Variants in LYPD6 observed in about 807,000 individuals in gnomAD.
LYPD6 encodes LY6/PLAUR domain containing 6.
In LYPD6, 15 loss-of-function variants were observed where a neutral mutation model predicts 22.7. The ratio of observed to expected loss-of-function variants is 0.66; its 90% CI spans 0.44 to 1.02. The LOEUF is 1.02. Among genes scored for constraint, LYPD6 ranks in the 50% least tolerant of loss-of-function variants. The pLI, the probability that LYPD6 is intolerant of heterozygous loss-of-function variation, is 0.00. For missense variants in LYPD6, 189 were observed against 208.4 expected (o/e 0.91, Z 0.57); for synonymous variants, 72 against 77.5 (o/e 0.93, Z 0.37).
intron 1 of LYPD6, among the ~76,000 whole-genome samples, chr2:149,401,289 G>A (rs968526816): frequency 6.6e-6 from 1 of 152,166 alleles, no homozygotes; most frequent in African/African-American, 2.4e-5. Context: ...TGGAATTCTG[G>A]GAAGTGTATT....
At chr2:149,367,544 C>G (rs1234967387) in intron 1 of LYPD6, among the ~76,000 whole-genome samples, 1 of 152,156 alleles carries the variant, frequency 6.6e-6, no homozygotes. Context: ...CCTTAGGATC[C>G]TAGGCCAAGG....
intron 1 of LYPD6, among the ~76,000 whole-genome samples, chr2:149,372,303 A>G (rs565525620): frequency 1.3e-5 from 2 of 152,316 alleles, no homozygotes; most frequent in South Asian, 2.1e-4. Context: ...TCTTAAGACT[A>G]TAACCGTATA....
At chr2:149,477,339 T>A, downstream of LYPD6, among the ~76,000 whole-genome samples, 1 of 151,526 alleles carries the variant, frequency 6.6e-6, no homozygotes, top group East Asian at 1.9e-4. Context: ...AACTGAAAGG[T>A]CAGCCGGGCG....
rs1354269319 is a variant in LYPD6 at position 149,437,781 on chromosome 2, T to C, written c.73T>C (p.Ser25Pro). 6.2e-7 allele frequency: 1 copy of C among 1,614,130 alleles called. No homozygotes were observed. Among genetic ancestry groups the C allele is most frequent in the Admixed American group, 1.7e-5 (1 of 60,024 alleles). ...LLADCLKAAQSRDFTVKDIIY... is the reference protein window; with the variant it reads ...LLADCLKAAQPRDFTVKDIIY... ...GGCGGATTGTCTGAAAGCTGCTCAG[T>C]CCCGAGACTTCACAGTGAAAGACAT... Residue 25 changes from serine (S) to proline (P), a missense_variant, in exon 2 of 5, where the codon TCC becomes CCC. By Grantham distance (74) the Ser-to-Pro change is moderately conservative. Transcript: ENST00000334166.
chr2:149,345,681 A>T (rs1681242194), intron 1 of LYPD6, among the ~76,000 whole-genome samples: 1 of 152,092 alleles, frequency 6.6e-6, no homozygotes, highest in African/African-American at 2.4e-5. Flanking sequence ...ACCTCTGATG[A>T]AACATTAATA....
At chr2:149,343,218 G>T (rs551291792) in intron 1 of LYPD6, among the ~76,000 whole-genome samples, 8 of 152,212 alleles carry the variant, frequency 5.3e-5, no homozygotes, top group African/African-American at 1.7e-4. Context: ...ATCTCTTCCG[G>T]AGAAGCAGTG....
intron 1 of LYPD6, among the ~76,000 whole-genome samples, chr2:149,404,762 C>A (rs1182765950): frequency 1.2e-4 from 19 of 152,188 alleles, no homozygotes; most frequent in African/African-American, 3.9e-4. Context: ...CAGAACTTCC[C>A]ACACTATGTT....
At chr2:149,350,332 C>T (rs1023082824) in intron 1 of LYPD6, among the ~76,000 whole-genome samples, 4 of 152,164 alleles carry the variant, frequency 2.6e-5, no homozygotes, top group Non-Finnish European at 4.4e-5. Context: ...TTATACATTT[C>T]GTTGTTCATT....
At chr2:149,357,778 T>C (rs1022760947) in intron 1 of LYPD6, among the ~76,000 whole-genome samples, 1 of 150,980 alleles carries the variant, frequency 6.6e-6, no homozygotes, top group Non-Finnish European at 1.5e-5. Flanking sequence ...TTTCTTTCTT[T>C]TCTTTGCTTT....
At chr2:149,340,196 A>G (rs1286135083) in intron 1 of LYPD6, among the ~76,000 whole-genome samples, 1 of 152,160 alleles carries the variant, frequency 6.6e-6, no homozygotes, top group Non-Finnish European at 1.5e-5. Flanking sequence ...TTTATGACCT[A>G]AAAAAGCAGG....
At chr2:149,485,425 C>T in the LYPD6 span, among the ~76,000 whole-genome samples, 1 of 152,186 alleles carries the variant, frequency 6.6e-6, no homozygotes, top group African/African-American at 2.4e-5. Context: ...GAATTGCTTT[C>T]AGGCGTTTGG....
chr2:149,446,950 A>G (rs1301513766), intron 2 of LYPD6, among the ~76,000 whole-genome samples: 1 of 152,172 alleles, frequency 6.6e-6, no homozygotes, highest in Non-Finnish European at 1.5e-5. Context: ...AATTGGTTCC[A>G]TGTGGGCAGA....
chr2:149,371,469 ATCT>A (rs1168154908), intron 1 of LYPD6, among the ~76,000 whole-genome samples: 1 of 152,220 alleles, frequency 6.6e-6, no homozygotes, highest in East Asian at 1.9e-4. Flanking sequence ...CCTCTAAGAA[ATCT>A]TCTGGTTTAG....
chr2:149,459,794 C>T (rs1033066607), intron 3 of LYPD6, among the ~76,000 whole-genome samples: 6 of 151,544 alleles, frequency 4.0e-5, no homozygotes, highest in Non-Finnish European at 7.4e-5. Flanking sequence ...CCCAGCTACT[C>T]GGGAGGCTGA....
chr2:149,353,770 TAA>T (rs55884409), intron 1 of LYPD6, among the ~76,000 whole-genome samples: 1 of 148,392 alleles, frequency 6.7e-6, no homozygotes, highest in African/African-American at 2.5e-5. Flanking sequence ...ATGTGCTCAT[TAA>T]AAAAAAAAAT....
At chr2:149,482,467 A>G in the LYPD6 span, among the ~76,000 whole-genome samples, 1 of 152,170 alleles carries the variant, frequency 6.6e-6, no homozygotes, top group Admixed American at 6.5e-5. Flanking sequence ...CTTTCTTCTC[A>G]TTGTTACTCT....
chr2:149,344,026 A>G (rs1445892541), intron 1 of LYPD6, among the ~76,000 whole-genome samples: 6 of 152,226 alleles, frequency 3.9e-5, no homozygotes, highest in Non-Finnish European at 8.8e-5. Flanking sequence ...TCCCAGACCT[A>G]TTTGACAGTG....
chr2:149,461,493 C>A (rs1407883856), intron 3 of LYPD6, among the ~76,000 whole-genome samples: 2 of 151,840 alleles, frequency 1.3e-5, no homozygotes, highest in Non-Finnish European at 1.5e-5. Context: ...TAGATAAAAT[C>A]TTCCAGAAAA....
At chr2:149,400,195 G>A (rs1682522247) in intron 1 of LYPD6, among the ~76,000 whole-genome samples, 1 of 152,238 alleles carries the variant, frequency 6.6e-6, no homozygotes, top group African/African-American at 2.4e-5. Flanking sequence ...AGCTGCAGTA[G>A]TGTGTCCACT....
Sources: allele counts gnomAD v4.1 joint callset (sites outside exome capture counted in the v4.1 genomes callset), GRCh38; gene constraint gnomAD v4.1.1; transcripts MANE v1.5; gene names NCBI Gene and HGNC (gene_info 2026-07-23, HGNC 2026-07-21).